The following SOX6 variants were observed in gnomAD, a reference collection of about 807,000 sequenced individuals.
The protein encoded by SOX6 is SRY-box transcription factor 6.
SOX6 carries 11 observed loss-of-function variants against 97.8 expected under a neutral mutation model. The observed-to-expected ratio is 0.11, with a 90% CI of 0.07 to 0.19. SOX6 has a LOEUF of 0.19. SOX6 is among the 10% of genes least tolerant of loss of function. SOX6 has a pLI of 1.00. For missense variants in SOX6, 810 were observed against 1,039.5 expected (o/e 0.78, Z 3.04); for synonymous variants, 360 against 371.4 (o/e 0.97, Z 0.35).
intron 6 of SOX6, among the ~76,000 whole-genome samples, chr11:16,156,501 A>G (rs896734905): frequency 6.6e-6 from 1 of 152,040 alleles, no homozygotes; most frequent in Non-Finnish European, 1.5e-5. Flanking sequence ...AAACTTATAT[A>G]TCCAACATCT....
chr11:16,099,193 T>C (rs1261433307), intron 7 of SOX6, among the ~76,000 whole-genome samples: 3 of 151,772 alleles, frequency 2.0e-5, no homozygotes, highest in Non-Finnish European at 4.4e-5. Flanking sequence ...TCTGATCTTG[T>C]TTTTCTCCTT....
At chr11:16,382,276 T>G (rs1857845625) in intron 1 of SOX6, 1 of 152,004 alleles carries the variant, frequency 6.6e-6, no homozygotes, top group African/African-American at 2.4e-5. Context: ...GCCTAAATGT[T>G]TAATCAAATA....
At chr11:16,495,613 C>G (rs1860581812) in intron 4 of SOX6, among the ~76,000 whole-genome samples, 1 of 152,182 alleles carries the variant, frequency 6.6e-6, no homozygotes. Flanking sequence ...ATAGTTACTG[C>G]CAACACAAGC....
intron 6 of SOX6, among the ~76,000 whole-genome samples, chr11:16,179,959 T>G (rs1214511698): frequency 6.6e-6 from 1 of 151,854 alleles, no homozygotes; most frequent in Admixed American, 6.6e-5. Flanking sequence ...ATGAGCTGAA[T>G]TCTTTTGCAA....
chr11:16,001,422 G>A (rs1854405560), intron 13 of SOX6, among the ~76,000 whole-genome samples: 1 of 152,142 alleles, frequency 6.6e-6, no homozygotes, highest in African/African-American at 2.4e-5. Context: ...TCAGAGACAT[G>A]ATAGCACCTT....
chr11:16,107,423 A>G (rs950434901), intron 7 of SOX6, among the ~76,000 whole-genome samples: 2 of 147,730 alleles, frequency 1.4e-5, no homozygotes, highest in Admixed American at 6.8e-5. Context: ...ATATACATAT[A>G]TATACATATA....
At chr11:16,167,657 C>T (rs1850922127) in intron 6 of SOX6, among the ~76,000 whole-genome samples, 1 of 152,208 alleles carries the variant, frequency 6.6e-6, no homozygotes, top group Admixed American at 6.5e-5. Flanking sequence ...CCCCCATCAG[C>T]TAGCATGCTC....
At chr11:15,994,604 G>C (rs190821179) in intron 13 of SOX6, among the ~76,000 whole-genome samples, 1 of 152,044 alleles carries the variant, frequency 6.6e-6, no homozygotes, top group Admixed American at 6.5e-5. Context: ...AACTAAATGA[G>C]AAATTACCAC....
chr11:16,302,570 T>TC (rs1590107155), intron 3 of SOX6, among the ~76,000 whole-genome samples: 1 of 137,410 alleles, frequency 7.3e-6, no homozygotes, highest in Non-Finnish European at 1.6e-5. Context: ...TTTTTTCTTT[T>TC]TTTTTTTTTT....
intron 3 of SOX6, among the ~76,000 whole-genome samples, chr11:16,682,928 T>C (rs914615620): frequency 3.3e-5 from 5 of 152,156 alleles, no homozygotes; most frequent in Non-Finnish European, 7.3e-5. Flanking sequence ...ATCACAAGCA[T>C]TCCTATACAC....
chr11:15,990,217 A>T (rs187368223), intron 13 of SOX6, among the ~76,000 whole-genome samples: 1 of 152,124 alleles, frequency 6.6e-6, no homozygotes, highest in Non-Finnish European at 1.5e-5. Context: ...TGCTGTACTT[A>T]TTCTTGTATC....
intron 4 of SOX6, among the ~76,000 whole-genome samples, chr11:16,498,528 G>A (rs1249770087): frequency 2.0e-5 from 3 of 151,990 alleles, no homozygotes; most frequent in African/African-American, 7.2e-5. Flanking sequence ...TGGATAAAGA[G>A]TCAAGACCCA....
chr11:16,066,435 A>C (rs1848095191), intron 9 of SOX6, among the ~76,000 whole-genome samples: 1 of 152,230 alleles, frequency 6.6e-6, no homozygotes. Context: ...CAGTATATCA[A>C]AGAGATATCC....
intron 10 of SOX6, among the ~76,000 whole-genome samples, chr11:16,053,489 A>T (rs1330894761): frequency 1.3e-5 from 2 of 152,132 alleles, no homozygotes; most frequent in Non-Finnish European, 2.9e-5. Context: ...CATCACTAAC[A>T]TTTATAGAAT....
chr11:16,616,259 A>G (rs956744898), intron 3 of SOX6, among the ~76,000 whole-genome samples: 1 of 152,102 alleles, frequency 6.6e-6, no homozygotes, highest in Non-Finnish European at 1.5e-5. Context: ...AGGAACACAA[A>G]AGTAATGCTG....
intron 1 of SOX6, among the ~76,000 whole-genome samples, chr11:16,392,159 A>G (rs145200021): frequency 9.0e-4 from 137 of 152,256 alleles, no homozygotes; most frequent in African/African-American, 3.2e-3. Flanking sequence ...GCATGTTTCT[A>G]TGTAATGGTA....
At chr11:16,237,102 C>T (rs1180439674) in intron 3 of SOX6, among the ~76,000 whole-genome samples, 1 of 151,938 alleles carries the variant, frequency 6.6e-6, no homozygotes, top group African/African-American at 2.4e-5. Flanking sequence ...TACATACAAG[C>T]TTATCAATGT....
chr11:16,604,390 G>C (rs1300580420), intron 4 of SOX6, among the ~76,000 whole-genome samples: 1 of 152,222 alleles, frequency 6.6e-6, no homozygotes, highest in African/African-American at 2.4e-5. Flanking sequence ...GAAAAACCTG[G>C]ACATGTGACC....
At chr11:16,633,545 G>T (rs527673414) in intron 3 of SOX6, among the ~76,000 whole-genome samples, 1 of 152,338 alleles carries the variant, frequency 6.6e-6, no homozygotes, top group South Asian at 2.1e-4. Context: ...AGAAGCTGTG[G>T]GTGTAAGTGA....
Sources: gnomAD v4.1 joint callset for allele counts (sites outside exome capture counted in the v4.1 genomes callset) on GRCh38, gnomAD v4.1.1 for gene constraint, MANE v1.5 for transcripts, NCBI Gene and HGNC (gene_info 2026-07-23, HGNC 2026-07-21) for gene names.